NIPAL2: variants seen among roughly 807,000 people sequenced by gnomAD.
NIPAL2 encodes the protein NIPA-like protein 2.
Under a neutral mutation model 48.9 loss-of-function variants are expected in NIPAL2, and 43 were observed. That is an observed-to-expected ratio of 0.88 (90% confidence interval 0.69 to 1.13). The LOEUF (loss-of-function observed/expected upper bound fraction) is 1.13, where lower values mean the gene tolerates loss of function less well. Ranked by LOEUF, NIPAL2 falls within the 50% of genes most tolerant of loss-of-function variation. NIPAL2 has a pLI of 0.00. For synonymous variants in NIPAL2, 167 were observed against 174.6 expected, an observed-to-expected ratio of 0.96 and a Z score of 0.34; for missense variants, 446 against 461.4, an observed-to-expected ratio of 0.97 and a Z score of 0.31.
chr8:98,231,707 A>T (rs1371089420), intron 4 of NIPAL2: 1 of 152,148 alleles, frequency 6.6e-6, no homozygotes, highest in Non-Finnish European at 1.5e-5. Context: ...GATTGCTTTC[A>T]GAAATAGCTT....
intron 1 of NIPAL2, among the ~76,000 whole-genome samples, chr8:98,273,079 C>T (rs1057095833): frequency 1.3e-5 from 2 of 152,086 alleles, no homozygotes; most frequent in African/African-American, 4.8e-5. Context: ...TCCATAGCAC[C>T]GTTATTCCTA....
chr8:98,254,040 G>C lies in NIPAL2; in HGVS notation c.183C>G (p.Ile61Met). 1 of 1,610,314 alleles carries C rather than the reference G, an allele frequency of 6.2e-7. No homozygotes were observed. The highest frequency in any genetic ancestry group is 8.5e-7 in the Non-Finnish European group (1 of 1,177,640). ...VLLAILGNLV[I>M]SISLNIQKYS... is the part of the protein sequence containing the mutation. ...TTACCTGAATATTTAGAGAAATACT[G>C]ATCACCAAGTTTCCTAAAATAGCCA... The change falls in exon 2 of 11, where the codon ATC becomes ATG. Residue 61 changes from isoleucine (I) to methionine (M), a missense_variant. Coordinates refer to ENST00000430223, the MANE Select transcript of NIPAL2 (RefSeq NM_001321635.2).
chr8:98,252,465 G>A lies in NIPAL2; in HGVS notation c.374C>T (p.Thr125Ile). ...LIAPLGCVSV[T>I]GSAIISVTFL... ...TGTCAAAATACAGAATGGCTTACCT[G>A]TAACAGACACACAGCCTAACGGAGC... The change falls in exon 3 of 11, where the codon ACA becomes ATA. Residue 125 changes from threonine (T) to isoleucine (I), a missense_variant and splice_region_variant. Physicochemically the swap from Thr to Ile is moderately conservative, Grantham distance 89 (BLOSUM62 -1). Transcript: ENST00000430223. The A allele has an allele frequency of 6.2e-7, 1 of 1,604,032 alleles. No individual in the cohort carries two copies. Among genetic ancestry groups the A allele is most frequent in the African/African-American group, 1.3e-5 (1 of 74,584 alleles).
rs964566973 is a variant in NIPAL2, at chr8:98,190,943, A to G, written c.*2035T>C. 7 of 152,254 alleles carry G rather than the reference A, an allele frequency of 4.6e-5. No homozygotes were observed. Among genetic ancestry groups the G allele is most frequent in the African/African-American group, 1.4e-4 (6 of 41,466 alleles). 9.4% of individuals were successfully genotyped at this position (152,254 alleles called of 1,614,324 possible). On this transcript the variant is annotated 3_prime_UTR_variant, in exon 11 of 11. Transcript: ENST00000430223. ...AAAAATCTTACAGGCCAGTACAACTAAAACTCCTATTTACCTTACTTTGGA... is the reference window on the plus strand; with the variant it reads ...AAAAATCTTACAGGCCAGTACAACTGAAACTCCTATTTACCTTACTTTGGA...
At chr8:98,276,877 A>G (rs1815501345) in intron 1 of NIPAL2, among the ~76,000 whole-genome samples, 1 of 151,712 alleles carries the variant, frequency 6.6e-6, no homozygotes, top group East Asian at 1.9e-4. Context: ...GGCTCAACCA[A>G]TTCTCCTGCC....
Position 98,234,529 on chromosome 8 carries a change from A to G in NIPAL2, c.436+1626T>C, listed in dbSNP as rs148134666. ...ATATCTAGGACCTAATTTTTAGTTT[A>G]TAAAACTCAGGTATTGGTCATTTTT... On this transcript the variant is annotated intron_variant, in intron 4 of 10. Coordinates refer to ENST00000430223, the MANE Select transcript of NIPAL2 (RefSeq NM_001321635.2). 4.0e-3 allele frequency among the ~76,000 whole-genome samples: 604 copies of G among 152,218 alleles called. 2 individuals carry two copies. Among genetic ancestry groups the G allele is most frequent in the Non-Finnish European group, 6.3e-3 (431 of 67,998 alleles).
At chr8:98,267,365 C>A (rs1814837127) in intron 1 of NIPAL2, among the ~76,000 whole-genome samples, 1 of 151,186 alleles carries the variant, frequency 6.6e-6, no homozygotes, top group Non-Finnish European at 1.5e-5. Context: ...ACTTTGTTGC[C>A]CAAGGTGGGG....
intron 1 of NIPAL2, among the ~76,000 whole-genome samples, chr8:98,271,562 GA>G (rs2130879035): frequency 1.3e-5 from 2 of 152,180 alleles, no homozygotes; most frequent in East Asian, 3.9e-4. Context: ...AAACTCTACT[GA>G]AGTCATTTAT....
At chr8:98,250,938 T>A (rs1813554367) in intron 3 of NIPAL2, among the ~76,000 whole-genome samples, 1 of 152,142 alleles carries the variant, frequency 6.6e-6, no homozygotes, top group Admixed American at 6.6e-5. Flanking sequence ...CCATTCTCAC[T>A]TCAGGCCCCA....
intron 4 of NIPAL2, among the ~76,000 whole-genome samples, chr8:98,234,551 T>A (rs1288058562): frequency 3.3e-5 from 5 of 151,946 alleles, no homozygotes; most frequent in Admixed American, 3.3e-4. Flanking sequence ...TATTGGTCAT[T>A]TTTTTTTCTT....
intron 1 of NIPAL2, among the ~76,000 whole-genome samples, chr8:98,266,321 G>A (rs182694672): frequency 1.4e-3 from 212 of 151,764 alleles, no homozygotes; most frequent in African/African-American, 4.9e-3. Flanking sequence ...GTTATATTAG[G>A]CTGGACGCAG....
At chr8:98,281,235 G>A (rs1362185310) in intron 1 of NIPAL2, among the ~76,000 whole-genome samples, 4 of 152,076 alleles carry the variant, frequency 2.6e-5, no homozygotes, top group African/African-American at 9.7e-5. Flanking sequence ...CATCCATTTG[G>A]TATTCATTCA....
intron 1 of NIPAL2, among the ~76,000 whole-genome samples, chr8:98,288,995 A>T (rs779754119): frequency 6.6e-6 from 1 of 152,160 alleles, no homozygotes; most frequent in Non-Finnish European, 1.5e-5. Flanking sequence ...TGTGCTCCCA[A>T]ATACTATAGT....
intron 1 of NIPAL2, among the ~76,000 whole-genome samples, chr8:98,257,202 C>CA (rs1018728702): frequency 6.6e-6 from 1 of 152,108 alleles, no homozygotes; most frequent in African/African-American, 2.4e-5. Context: ...AACATTAAAA[C>CA]AAAGATCTGA....
intron 3 of NIPAL2, among the ~76,000 whole-genome samples, chr8:98,240,573 T>C (rs2130800438): frequency 6.6e-6 from 1 of 152,254 alleles, no homozygotes; most frequent in South Asian, 2.1e-4. Context: ...AATCATCTTA[T>C]CTTGGGGCCG....
At chr8:98,252,719 C>A in intron 2 of NIPAL2, 85 bp from the exon 3 acceptor site, 1 of 1,135,836 alleles carries the variant, frequency 8.8e-7, no homozygotes, top group Admixed American at 3.1e-5. Flanking sequence ...TCCTTTAATT[C>A]TTTTTATAAG....
intron 9 of NIPAL2, chr8:98,195,681 G>A: frequency 2.9e-6 from 1 of 347,904 alleles, no homozygotes; most frequent in Non-Finnish European, 5.3e-6. Context: ...AACTACAAGG[G>A]CCAGTGGATG....
chr8:98,263,682 C>T (rs1414278614), intron 1 of NIPAL2, among the ~76,000 whole-genome samples: 1 of 143,124 alleles, frequency 7.0e-6, no homozygotes, highest in Non-Finnish European at 1.5e-5. Context: ...GGATTCACAG[C>T]TGAATTCTAC....
intron 1 of NIPAL2, among the ~76,000 whole-genome samples, chr8:98,256,423 T>A (rs1813895475): frequency 6.6e-6 from 1 of 152,058 alleles, no homozygotes; most frequent in Non-Finnish European, 1.5e-5. Context: ...TGGATTGAGA[T>A]CCAGAATATT....
Sources: allele counts gnomAD v4.1 joint callset (sites outside exome capture counted in the v4.1 genomes callset), GRCh38; gene constraint gnomAD v4.1.1; transcripts MANE v1.5; gene names NCBI Gene and HGNC (gene_info 2026-07-23, HGNC 2026-07-21).